The following SGK3 variants were observed in gnomAD, a reference collection of about 807,000 sequenced individuals.
The protein encoded by SGK3 is serine/threonine-protein kinase Sgk3.
A neutral mutation model predicts 68.5 loss-of-function variants in SGK3; 47 were observed. The observed-to-expected ratio is 0.69, with a 90% CI of 0.54 to 0.87. The LOEUF (loss-of-function observed/expected upper bound fraction) is 0.87, where lower values mean the gene tolerates loss of function less well. Ranked by LOEUF, SGK3 falls within the 40% of genes least tolerant of loss-of-function variation. The pLI is 0.00. For missense variants in SGK3, 479 were observed against 575.5 expected (o/e 0.83, Z 1.72); for synonymous variants, 181 against 189.1 (o/e 0.96, Z 0.35).
intron 1 of SGK3, among the ~76,000 whole-genome samples, chr8:66,759,360 C>G (rs1165106391): frequency 2.0e-5 from 3 of 152,052 alleles, no homozygotes; most frequent in Non-Finnish European, 4.4e-5. Context: ...GCTGGGATTA[C>G]AGGCCAGGCG....
chr8:66,803,734 G>A (rs900323822), intron 3 of SGK3, among the ~76,000 whole-genome samples: 3 of 151,548 alleles, frequency 2.0e-5, no homozygotes, highest in African/African-American at 7.3e-5. Flanking sequence ...ATGGCTCCCT[G>A]CAGCCCCAAC....
At chr8:66,849,904 C>T (rs1372093490) in intron 15 of SGK3, among the ~76,000 whole-genome samples, 1 of 152,148 alleles carries the variant, frequency 6.6e-6, no homozygotes, top group Non-Finnish European at 1.5e-5. Flanking sequence ...AAAAACATTT[C>T]TCACCAACCT....
Position 66,835,822 on chromosome 8 carries a change from A to G in SGK3, c.585A>G (p.Lys195=). Reference sequence around the variant, plus strand: ...TTTATGCTGTCAAAGTGTTACAGAAAAAAATAGTTCTCAACAGAAAAGAGG... The same window carrying G: ...TTTATGCTGTCAAAGTGTTACAGAAGAAAATAGTTCTCAACAGAAAAGAGG... ...GKFYAVKVLQ[K]KIVLNRKEQK... is the part of the protein sequence containing the mutation. The change falls in exon 9 of 17, where the codon AAA becomes AAG. Residue 195 remains lysine (K), a synonymous_variant. Coordinates refer to ENST00000521198, the MANE Select transcript of SGK3 (RefSeq NM_001033578.3). 6.2e-7 allele frequency: 1 copy of G among 1,610,636 alleles called. No individual in the cohort carries two copies.
chr8:66,853,249 G>C (rs1008057973), intron 16 of SGK3, among the ~76,000 whole-genome samples: 1 of 152,016 alleles, frequency 6.6e-6, no homozygotes, highest in African/African-American at 2.4e-5. Flanking sequence ...TACAGTTAAG[G>C]GGATAAAATA....
intron 1 of SGK3, among the ~76,000 whole-genome samples, chr8:66,718,516 T>G (rs1476002400): frequency 1.3e-5 from 2 of 151,806 alleles, no homozygotes; most frequent in Non-Finnish European, 2.9e-5. Context: ...CACACGTATG[T>G]AGTTTTTGTT....
At chr8:66,843,636 C>CT in intron 14 of SGK3, 89 bp downstream of exon 14, 1 of 1,296,046 alleles carries the variant, frequency 7.7e-7, no homozygotes, top group South Asian at 1.3e-5. Context: ...CTCATGGACA[C>CT]TTAGATAACA....
chr8:66,735,863 T>C lies in SGK3; in HGVS notation c.-122+23030T>C, dbSNP rs1033392231. 2.6e-5 allele frequency among the ~76,000 whole-genome samples: 4 copies of C among 152,244 alleles called. No homozygotes were observed. In the South Asian group the frequency reaches 8.3e-4, roughly 31 times the overall value. The stretch of plus-strand genomic sequence containing the variant: ...GTTTCTTTCTGTGATTAAAGAATGA[T>C]GAATCTTTGAACAGTGGCACTCAAT... On this transcript the variant is annotated intron_variant, in intron 1 of 16. Transcript: ENST00000521198.
intron 16 of SGK3, among the ~76,000 whole-genome samples, chr8:66,858,465 C>CAA (rs757431787): frequency 1.0e-4 from 9 of 86,288 alleles, no homozygotes; most frequent in Middle Eastern, 7.6e-3. Flanking sequence ...GACTCTGTCT[C>CAA]AAAAAAAAAA....
chr8:66,751,520 T>G (rs1805817627), intron 1 of SGK3, among the ~76,000 whole-genome samples: 1 of 152,102 alleles, frequency 6.6e-6, no homozygotes, highest in African/African-American at 2.4e-5. Flanking sequence ...AAGTTCTTAT[T>G]CAGAAAATAC....
intron 1 of SGK3, among the ~76,000 whole-genome samples, chr8:66,787,089 A>G (rs185964402): frequency 2.0e-3 from 311 of 151,720 alleles, no homozygotes; most frequent in African/African-American, 7.0e-3. Context: ...GATTACAGGC[A>G]TGTGCCACCA....
intron 5 of SGK3, among the ~76,000 whole-genome samples, chr8:66,820,758 C>T (rs910930407): frequency 6.6e-6 from 1 of 152,248 alleles, no homozygotes; most frequent in Middle Eastern, 3.4e-3. Flanking sequence ...TGCTAGAATG[C>T]AGGGGTGCAA....
At position 66,843,468 on chromosome 8, in the gene SGK3, T is replaced by A; in HGVS notation, c.995T>A (p.Val332Glu). ...TTTCTATAGTATCTTGCACCTGAAG[T>A]AATTAGAAAACAGCCCTATGACAAT... ...CGTPEYLAPE[V>E]IRKQPYDNTV... The change falls in exon 14 of 17, where the codon GTA becomes GAA. Residue 332 changes from valine to glutamate, a missense_variant. Physicochemically the swap from Val to Glu is moderately radical, Grantham distance 121. Transcript: ENST00000521198. 1 of 1,613,622 alleles carries A rather than the reference T, an allele frequency of 6.2e-7. No homozygotes were observed. The highest frequency in any genetic ancestry group is 1.1e-5 in the South Asian group (1 of 91,046).
At chr8:66,857,136 A>G (rs940054572) in intron 16 of SGK3, among the ~76,000 whole-genome samples, 1 of 152,156 alleles carries the variant, frequency 6.6e-6, no homozygotes, top group African/African-American at 2.4e-5. Context: ...AGAATCCAAG[A>G]GCCCATGCTT....
At chr8:66,831,978 C>T (rs1057493910) in intron 8 of SGK3, among the ~76,000 whole-genome samples, 3 of 151,624 alleles carry the variant, frequency 2.0e-5, no homozygotes, top group African/African-American at 7.3e-5. Context: ...TAAATAAGTA[C>T]AAATAATAAC....
intron 1 of SGK3, among the ~76,000 whole-genome samples, chr8:66,787,798 A>G (rs1012917307): frequency 1.3e-5 from 2 of 152,232 alleles, no homozygotes; most frequent in African/African-American, 4.8e-5. Context: ...ATATTTCTGC[A>G]CACCTCCCTT....
At chr8:66,719,295 T>C (rs1000011288) in intron 1 of SGK3, among the ~76,000 whole-genome samples, 2 of 151,380 alleles carry the variant, frequency 1.3e-5, no homozygotes, top group Admixed American at 1.3e-4. Flanking sequence ...TTACACAATT[T>C]GTTGTTTTGT....
chr8:66,780,650 G>C (rs1036482338), intron 1 of SGK3, among the ~76,000 whole-genome samples: 5 of 152,184 alleles, frequency 3.3e-5, no homozygotes, highest in Non-Finnish European at 7.3e-5. Context: ...GTTCTGGTAT[G>C]AGTCTAGTGA....
At chr8:66,857,110 A>G (rs1315751484) in intron 16 of SGK3, among the ~76,000 whole-genome samples, 1 of 152,166 alleles carries the variant, frequency 6.6e-6, no homozygotes, top group Non-Finnish European at 1.5e-5. Flanking sequence ...AAGGACAGCT[A>G]GCAAATTTTG....
intron 1 of SGK3, among the ~76,000 whole-genome samples, chr8:66,732,260 C>G (rs1053341848): frequency 5.3e-5 from 8 of 152,102 alleles, no homozygotes; most frequent in African/African-American, 1.9e-4. Flanking sequence ...CCGGTAAATT[C>G]TTTTCCTCAA....
Sources: gnomAD v4.1 joint callset for allele counts (sites outside exome capture counted in the v4.1 genomes callset) on GRCh38, gnomAD v4.1.1 for gene constraint, MANE v1.5 for transcripts, NCBI Gene and HGNC (gene_info 2026-07-23, HGNC 2026-07-21) for gene names.